The following MAP3K13 variants were observed in gnomAD, a reference collection of about 807,000 sequenced individuals.
The protein encoded by MAP3K13 is mitogen-activated protein kinase kinase kinase 13.
Under a neutral mutation model 104.0 loss-of-function variants are expected in MAP3K13, and 52 were observed. That is an observed-to-expected ratio of 0.50 (90% CI 0.40 to 0.63). The LOEUF is 0.63. Ranked by LOEUF, MAP3K13 falls within the 20% of genes least tolerant of loss-of-function variation. The probability of loss-of-function intolerance (pLI) is 0.00; values close to 1 mark genes in which losing one functional copy is unlikely to be tolerated. For synonymous variants in MAP3K13, 394 were observed against 442.2 expected (o/e 0.89, Z 1.37); for missense variants, 914 against 1,218.5 (o/e 0.75, Z 3.72).
intron 9 of MAP3K13, 34 bp downstream of exon 9, chr3:185,465,897 T>A: frequency 1.4e-6 from 2 of 1,455,356 alleles, no homozygotes; most frequent in African/African-American, 1.4e-5. Flanking sequence ...TTCTTACTGA[T>A]TTGAGTCTGT....
At position 185,419,462 on chromosome 3, in the gene MAP3K13, C is replaced by G. The variant is rs141427685; in HGVS notation, c.-85-9035C>G. ...AAGCAACAAGGATTTGTATTGAAAA[C>G]CTCTGATTAAACAAATAATGCATGC... is the stretch of plus-strand genomic sequence containing the variant. On this transcript the variant is annotated intron_variant, in intron 1 of 13. Coordinates refer to ENST00000265026, the MANE Select transcript of MAP3K13 (RefSeq NM_004721.5). 3.9e-3 allele frequency among the ~76,000 whole-genome samples: 597 copies of G among 152,216 alleles called. 4 individuals carry two copies. Among genetic ancestry groups the G allele is most frequent in the African/African-American group, 0.013 (551 of 41,540 alleles).
At position 185,451,510 on chromosome 3, in the gene MAP3K13, T is replaced by G. The variant is rs554398005; in HGVS notation, c.1278+115T>G. 4.4e-6 allele frequency: 3 copies of G among 679,580 alleles called. No homozygotes were observed. In the South Asian group the frequency reaches 5.2e-5, roughly 12 times the overall value. 42.1% of individuals were successfully genotyped at this position (679,580 alleles called of 1,614,324 possible). A position where few individuals can be genotyped will look rare whatever the true frequency, so the allele number is the denominator to read the frequency against. On this transcript the variant is annotated intron_variant, in intron 7 of 13. Transcript: ENST00000265026. ...TGTTATAATAGTTATATAACTCCAT[T>G]CATTGTGACACAATAAATATGATAC... is the stretch of plus-strand genomic sequence containing the variant.
At chr3:185,392,625 T>A (rs1466712442) in intron 1 of MAP3K13, among the ~76,000 whole-genome samples, 2 of 152,216 alleles carry the variant, frequency 1.3e-5, no homozygotes, top group African/African-American at 4.8e-5. Flanking sequence ...CACTTTGTTC[T>A]GGGAGCAGGA....
intron 2 of MAP3K13, among the ~76,000 whole-genome samples, chr3:185,286,068 G>A (rs1293352589): frequency 2.0e-5 from 3 of 151,972 alleles, no homozygotes; most frequent in East Asian, 1.9e-4. Context: ...TGTGCCTCAG[G>A]TTTAAGCAAG....
intron 11 of MAP3K13, chr3:185,476,996 A>C (rs1476687318): frequency 9.0e-6 from 4 of 445,982 alleles, no homozygotes; most frequent in Non-Finnish European, 1.3e-5. Context: ...CAAGAGACTG[A>C]CCCCAAATCC....
At chr3:185,305,624 A>G (rs1272048418) in intron 2 of MAP3K13, among the ~76,000 whole-genome samples, 2 of 152,122 alleles carry the variant, frequency 1.3e-5, no homozygotes, top group Non-Finnish European at 2.9e-5. Context: ...GTTGTTATCT[A>G]CTATCCTTTT....
intron 7 of MAP3K13, among the ~76,000 whole-genome samples, chr3:185,457,287 G>A (rs1716820158): frequency 6.6e-6 from 1 of 152,230 alleles, no homozygotes; most frequent in African/African-American, 2.4e-5. Flanking sequence ...TAGGAGAGAA[G>A]AGGGGAGAAG....
chr3:185,480,544 C>T lies in MAP3K13; in HGVS notation c.2799+15C>T. 6.2e-7 allele frequency: 1 copy of T among 1,608,202 alleles called. No individual in the cohort carries two copies. The highest frequency in any genetic ancestry group is 2.2e-5 in the East Asian group (1 of 44,736). On this transcript the variant is annotated intron_variant, in intron 13 of 13. Coordinates refer to ENST00000265026, the MANE Select transcript of MAP3K13 (RefSeq NM_004721.5). ...GTGGCTATGAGGTGGGGGCTTCTCC[C>T]TTCTCCTCCCATCACTGTTCCCTTT...
At chr3:185,397,925 G>GC (rs1203919577) in intron 1 of MAP3K13, among the ~76,000 whole-genome samples, 1 of 152,102 alleles carries the variant, frequency 6.6e-6, no homozygotes, top group Non-Finnish European at 1.5e-5. Context: ...CGCCTGGTCT[G>GC]CCCTGCCTCC....
At position 185,299,553 on chromosome 3, in the gene MAP3K13, CTTTTTTTTTTT is replaced by C. The variant is rs1195743775; in HGVS notation, c.-86+13924_-86+13934del. On this transcript the variant is annotated intron_variant, in intron 2 of 14. Transcript: ENST00000424227. ...GTCTGTCTGTTTTCTCTCTCTCTCT[CTTTTTTTTTTT>C]TTTTTTTTTTTTTGAGACGGAGTCT... Among the ~76,000 whole-genome samples, 10 of 7,082 alleles carry C rather than the reference CTTTTTTTTTTT, an allele frequency of 1.4e-3. 1 individual carries two copies. Among genetic ancestry groups the C allele is most frequent in the African/African-American group, 2.6e-3 (10 of 3,840 alleles). 4.6% of individuals were successfully genotyped at this position (7,082 alleles called of 152,430 possible). A position where few individuals can be genotyped will look rare whatever the true frequency, so the allele number is the denominator to read the frequency against.
chr3:185,405,305 G>T (rs1440964893), intron 1 of MAP3K13, among the ~76,000 whole-genome samples: 3 of 152,154 alleles, frequency 2.0e-5, no homozygotes, highest in Non-Finnish European at 2.9e-5. Flanking sequence ...AATTACTGTG[G>T]TCTTGAACAA....
chr3:185,293,915 A>T (rs1313936346), intron 2 of MAP3K13, among the ~76,000 whole-genome samples: 1 of 152,148 alleles, frequency 6.6e-6, no homozygotes, highest in Non-Finnish European at 1.5e-5. Context: ...TGCCTTATGG[A>T]TATTTAATAT....
rs368858320 is a variant in MAP3K13, at chr3:185,326,705, A to C, written c.-86+41062A>C. ...GGAAACTTGTGTGTGTTTGATCCCA[A>C]CACAGGAAAGAAAAAAAAAAATGAG... On this transcript the variant is annotated intron_variant, in intron 2 of 14. Coordinates refer to the MAP3K13 transcript ENST00000424227. Among the ~76,000 whole-genome samples, 8 of 152,242 alleles carry C rather than the reference A, an allele frequency of 5.3e-5. No homozygotes were observed. In the East Asian group the frequency reaches 1.4e-3, roughly 26 times the overall value.
In MAP3K13 at chr3:185,442,732, C is replaced by T. The variant is rs1427856274; in HGVS notation, c.660-713C>T. ...TATTTTTAGTAGAGACGCGGTTTCA[C>T]CATGCTGGCCAAGCTGGTCTCGAAC... On this transcript the variant is annotated intron_variant, in intron 3 of 13. Coordinates refer to ENST00000265026, the MANE Select transcript of MAP3K13 (RefSeq NM_004721.5). Among the ~76,000 whole-genome samples the T allele has an allele frequency of 3.3e-5, 5 of 152,166 alleles. No homozygotes were observed. In the East Asian group the frequency reaches 9.7e-4, roughly 29 times the overall value.
At chr3:185,413,638 A>G (rs1320234418) in intron 1 of MAP3K13, among the ~76,000 whole-genome samples, 1 of 152,148 alleles carries the variant, frequency 6.6e-6, no homozygotes, top group Admixed American at 6.5e-5. Context: ...CCTGGCCAAC[A>G]TGGTGAGACC....
At chr3:185,352,834 C>T (rs1033873556) in intron 2 of MAP3K13, among the ~76,000 whole-genome samples, 5 of 152,194 alleles carry the variant, frequency 3.3e-5, no homozygotes, top group African/African-American at 1.2e-4. Flanking sequence ...ACCTGTACAG[C>T]TTTAATTCTC....
At chr3:185,334,858 C>A (rs1309956757) in intron 2 of MAP3K13, among the ~76,000 whole-genome samples, 3 of 152,024 alleles carry the variant, frequency 2.0e-5, no homozygotes, top group Non-Finnish European at 4.4e-5. Flanking sequence ...ATCTGCCTGC[C>A]TCGGCCTCCC....
At chr3:185,299,016 C>A (rs1316701782) in intron 2 of MAP3K13, among the ~76,000 whole-genome samples, 1 of 152,172 alleles carries the variant, frequency 6.6e-6, no homozygotes, top group Admixed American at 6.5e-5. Flanking sequence ...TATTAATAAC[C>A]CTTGGAATCA....
At chr3:185,453,858 TATA>T (rs1415448296) in intron 7 of MAP3K13, among the ~76,000 whole-genome samples, 3 of 62,714 alleles carry the variant, frequency 4.8e-5, no homozygotes, top group Non-Finnish European at 3.5e-5. Context: ...ATATGAGATA[TATA>T]TATATGATAC....
Sources: gnomAD v4.1 joint callset for allele counts (sites outside exome capture counted in the v4.1 genomes callset) on GRCh38, gnomAD v4.1.1 for gene constraint, MANE v1.5 for transcripts, NCBI Gene and HGNC (gene_info 2026-07-23, HGNC 2026-07-21) for gene names.